Variants in GSE1 observed in about 807,000 individuals in gnomAD.
GSE1 encodes Gse1 coiled-coil protein, also known as genetic suppressor element 1.
Under a neutral mutation model 112.6 loss-of-function variants are expected in GSE1, and 32 were observed. The observed-to-expected ratio is 0.28, with a 90% confidence interval of 0.21 to 0.38. GSE1 has a LOEUF of 0.38. Ranked by LOEUF, GSE1 falls within the 10% of genes least tolerant of loss-of-function variation. The pLI is 1.00. For missense variants in GSE1, 2,348 were observed against 1,699.2 expected (o/e 1.38, Z -6.71); for synonymous variants, 1,115 against 735.6 (o/e 1.52, Z -8.35).
intron 2 of GSE1, among the ~76,000 whole-genome samples, chr16:85,420,521 G>T (rs964317486): frequency 4.3e-5 from 6 of 139,064 alleles, no homozygotes; most frequent in African/African-American, 2.1e-4. Context: ...GGGCCAAGGG[G>T]GGTGGCACCA....
intron 2 of GSE1, among the ~76,000 whole-genome samples, chr16:85,472,386 ACTGCCGTGGTCC>A (rs1291173269): frequency 1.3e-4 from 20 of 152,188 alleles, no homozygotes; most frequent in African/African-American, 4.8e-4. Flanking sequence ...TTCTGGCCAC[ACTGCCGTGGTCC>A]CTGCCTTCTC....
chr16:85,470,455 C>T (rs2050256372), intron 2 of GSE1, among the ~76,000 whole-genome samples: 1 of 152,224 alleles, frequency 6.6e-6, no homozygotes, highest in South Asian at 2.1e-4. Flanking sequence ...AGTGACATGG[C>T]CCCTTGGGGT....
intron 2 of GSE1, among the ~76,000 whole-genome samples, chr16:85,643,461 C>T (rs917190576): frequency 4.6e-5 from 7 of 152,164 alleles, no homozygotes; most frequent in African/African-American, 7.2e-5. Flanking sequence ...AGAGAAGCTC[C>T]CCACCCTTCA....
rs766032436 is a variant in GSE1 at position 85,371,170 on chromosome 16, G to A, written c.2464+13527G>A. ...GGCCAAGGGGAGCTGACTGATGACC[G>A]AGGCCACCGCTGCTCCTCGGGCTAC... is the stretch of plus-strand genomic sequence containing the variant. On this transcript the variant is annotated intron_variant, in intron 2 of 2. Coordinates refer to the GSE1 transcript ENST00000637419. Among the ~76,000 whole-genome samples, 7 of 152,196 alleles carry A rather than the reference G, an allele frequency of 4.6e-5. No individual in the cohort carries two copies. In the South Asian group the frequency reaches 6.2e-4, roughly 14 times the overall value.
At chr16:85,316,976 G>A (rs1001595605) in intron 1 of GSE1, among the ~76,000 whole-genome samples, 5 of 152,216 alleles carry the variant, frequency 3.3e-5, no homozygotes, top group African/African-American at 1.2e-4. Flanking sequence ...TCTGTTGGGG[G>A]TGGGCTGCTG....
In GSE1 at chr16:85,547,152, A is replaced by G. The variant is rs2044729340; in HGVS notation, c.2465-86762A>G. On this transcript the variant is annotated intron_variant, in intron 2 of 2. Transcript: ENST00000637419. ...GCTTGACCCAGCTGTGGCCCAAGGC[A>G]TGCGGCTTCCAGACTTGGACAATGC... Among the ~76,000 whole-genome samples, 3 of 152,232 alleles carry G rather than the reference A, an allele frequency of 2.0e-5. 1 individual carries two copies. The South Asian group carries it at 6.2e-4, about 32-fold the overall frequency.
At chr16:85,213,881 T>C (rs1470816038) in intron 1 of GSE1, among the ~76,000 whole-genome samples, 3 of 152,322 alleles carry the variant, frequency 2.0e-5, no homozygotes, top group South Asian at 2.1e-4. Flanking sequence ...CCCCAGGCTG[T>C]TGGCAGCTGT....
intron 2 of GSE1, among the ~76,000 whole-genome samples, chr16:85,434,336 A>ATC (rs1555511285): frequency 7.1e-5 from 8 of 113,318 alleles, no homozygotes; most frequent in South Asian, 3.0e-4. Context: ...TAATAATAAT[A>ATC]ATAATAATAA....
intron 2 of GSE1, among the ~76,000 whole-genome samples, chr16:85,491,499 G>A (rs1030613810): frequency 6.6e-6 from 1 of 152,200 alleles, no homozygotes; most frequent in African/African-American, 2.4e-5. Context: ...ATGACTTGGG[G>A]GGCCAGGGTG....
chr16:85,326,508 T>A (rs1170635651), intron 1 of GSE1, among the ~76,000 whole-genome samples: 1 of 152,240 alleles, frequency 6.6e-6, no homozygotes, highest in East Asian at 1.9e-4. Context: ...GTTTCCCCTA[T>A]GCCGTTCTTG....
chr16:85,325,537 C>T (rs533609256), intron 1 of GSE1, among the ~76,000 whole-genome samples: 14 of 152,100 alleles, frequency 9.2e-5, no homozygotes, highest in Admixed American at 2.6e-4. Context: ...CTGCAACCTC[C>T]GCCTCCTGGG....
chr16:85,667,937 G>C (rs181098304), intron 13 of GSE1, among the ~76,000 whole-genome samples: 2 of 142,956 alleles, frequency 1.4e-5, no homozygotes, highest in African/African-American at 5.3e-5. Flanking sequence ...TCAGGGCTGC[G>C]TTGTCTCCTG....
chr16:85,434,420 T>A (rs1056727442), intron 2 of GSE1, among the ~76,000 whole-genome samples: 1 of 152,138 alleles, frequency 6.6e-6, no homozygotes, highest in Non-Finnish European at 1.5e-5. Context: ...ATTTCCCCAG[T>A]AATCCAGTAA....
At chr16:85,628,277 C>T (rs1170242458) in intron 1 of GSE1, among the ~76,000 whole-genome samples, 1 of 152,256 alleles carries the variant, frequency 6.6e-6, no homozygotes, top group Non-Finnish European at 1.5e-5. Context: ...CTGACATCAG[C>T]AGAGCCGCTT....
chr16:85,227,983 G>C (rs940153652), intron 1 of GSE1, among the ~76,000 whole-genome samples: 1 of 152,232 alleles, frequency 6.6e-6, no homozygotes, highest in Non-Finnish European at 1.5e-5. Flanking sequence ...ACCTCAGGAG[G>C]GGGTGTGGTG....
chr16:85,175,078 G>A (rs1440898820), intron 1 of GSE1, among the ~76,000 whole-genome samples: 1 of 151,980 alleles, frequency 6.6e-6, no homozygotes, highest in African/African-American at 2.4e-5. Flanking sequence ...CCTATGATGT[G>A]TTCATGCGTT....
intron 1 of GSE1, among the ~76,000 whole-genome samples, chr16:85,292,916 G>A (rs1041716155): frequency 6.6e-6 from 1 of 152,178 alleles, no homozygotes; most frequent in Non-Finnish European, 1.5e-5. Flanking sequence ...GTGTGTGCAC[G>A]CAAATTAAAT....
intron 1 of GSE1, among the ~76,000 whole-genome samples, chr16:85,625,816 G>C (rs1013319653): frequency 5.9e-5 from 9 of 152,196 alleles, no homozygotes; most frequent in African/African-American, 2.2e-4. Flanking sequence ...GGCTCTACGT[G>C]GTTGACCGGG....
chr16:85,265,077 C>T (rs1016657081), intron 1 of GSE1, among the ~76,000 whole-genome samples: 5 of 152,340 alleles, frequency 3.3e-5, no homozygotes, highest in East Asian at 1.9e-4. Flanking sequence ...GCAGTAAACG[C>T]GCACTCTTAT....
Sources: gnomAD v4.1 joint callset for allele counts (sites outside exome capture counted in the v4.1 genomes callset) on GRCh38, gnomAD v4.1.1 for gene constraint, MANE v1.5 for transcripts, NCBI Gene and HGNC (gene_info 2026-07-23, HGNC 2026-07-21) for gene names.